Variants in SLX4IP observed in about 807,000 individuals in gnomAD.
SLX4IP encodes SLX4 interacting protein.
In SLX4IP, 34 loss-of-function variants were observed where a neutral mutation model predicts 32.9. The ratio of observed to expected loss-of-function variants is 1.03; its 90% confidence interval spans 0.79 to 1.38. SLX4IP has a LOEUF of 1.38. Ranked by LOEUF, SLX4IP falls within the 40% of genes most tolerant of loss-of-function variation. The pLI, the probability that SLX4IP is intolerant of heterozygous loss-of-function variation, is 0.00. For synonymous variants in SLX4IP, 172 were observed against 171.7 expected (o/e 1.00, Z -0.01); for missense variants, 444 against 479.0 (o/e 0.93, Z 0.68).
rs36028561 is a variant in SLX4IP, at chr20:10,558,341, CAAAAAAAAAAAAAAA to C, written c.117+2028_117+2042del. ...TGGGTGGCAGAGTGAGACCCTGTCT[CAAAAAAAAAAAAAAA>C]AAAAAACAATTCGCTGATGTTAAAA... On this transcript the variant is annotated intron_variant, in intron 3 of 7. Coordinates refer to ENST00000334534, the MANE Select transcript of SLX4IP (RefSeq NM_001009608.3). Among the ~76,000 whole-genome samples, 3 of 79,526 alleles carry C rather than the reference CAAAAAAAAAAAAAAA, an allele frequency of 3.8e-5. No individual in the cohort carries two copies. The South Asian group carries it at 1.4e-3, about 37-fold the overall frequency. 52.2% of individuals were successfully genotyped at this position (79,526 alleles called of 152,430 possible).
chr20:10,575,353 A>C (rs1286304668), intron 4 of SLX4IP, among the ~76,000 whole-genome samples: 1 of 152,004 alleles, frequency 6.6e-6, no homozygotes, highest in Non-Finnish European at 1.5e-5. Context: ...CTGGTTTTAT[A>C]TTGTCTGAAC....
intron 2 of SLX4IP, among the ~76,000 whole-genome samples, chr20:10,481,112 A>G (rs2065517148): frequency 6.6e-6 from 1 of 151,432 alleles, no homozygotes. Flanking sequence ...TGATATGTGT[A>G]CTTGTTTTGG....
intron 4 of SLX4IP, among the ~76,000 whole-genome samples, chr20:10,590,361 T>G (rs527483469): frequency 6.6e-6 from 1 of 152,056 alleles, no homozygotes; most frequent in South Asian, 2.1e-4. Flanking sequence ...TTTATTTATT[T>G]TTTTAATTTT....
chr20:10,600,176 C>G (rs552519700), intron 5 of SLX4IP, among the ~76,000 whole-genome samples: 1 of 151,994 alleles, frequency 6.6e-6, no homozygotes, highest in Non-Finnish European at 1.5e-5. Context: ...ATATTAATTG[C>G]TTTGCTAATT....
intron 2 of SLX4IP, among the ~76,000 whole-genome samples, chr20:10,523,422 A>G (rs1014461754): frequency 2.6e-5 from 4 of 152,230 alleles, no homozygotes; most frequent in African/African-American, 9.6e-5. Flanking sequence ...CCTTCTTTCA[A>G]TTGACCTCTG....
intron 2 of SLX4IP, among the ~76,000 whole-genome samples, chr20:10,472,107 C>T (rs555665127): frequency 6.6e-6 from 1 of 152,008 alleles, no homozygotes; most frequent in African/African-American, 2.4e-5. Context: ...TTGTTGGTGG[C>T]CATCTTTGGA....
At chr20:10,478,643 A>G (rs2065493802) in intron 2 of SLX4IP, among the ~76,000 whole-genome samples, 1 of 152,234 alleles carries the variant, frequency 6.6e-6, no homozygotes, top group Admixed American at 6.5e-5. Context: ...CTTGGGAGGT[A>G]GGCAGCACAG....
At chr20:10,549,139 T>C (rs181353008) in intron 2 of SLX4IP, among the ~76,000 whole-genome samples, 1 of 152,300 alleles carries the variant, frequency 6.6e-6, no homozygotes, top group East Asian at 1.9e-4. Context: ...TTCTTAATGT[T>C]AGGAGACTTC....
intron 1 of SLX4IP, 99 bp from the exon 2 acceptor site, chr20:10,458,077 C>T: frequency 1.5e-6 from 1 of 653,404 alleles, no homozygotes; most frequent in Non-Finnish European, 2.4e-6. Context: ...TCATAAATAC[C>T]TATTGATATT....
rs148432517 is a variant in SLX4IP, at chr20:10,626,009, C to CTTTTTTTTTTTTT, written c.*2641_*2653dup. The CTTTTTTTTTTTTT allele has an allele frequency of 2.5e-5, 2 of 81,218 alleles. No individual in the cohort carries two copies. The highest frequency in any genetic ancestry group is 4.8e-5 in the Non-Finnish European group (2 of 41,816). 5.0% of individuals were successfully genotyped at this position (81,218 alleles called of 1,614,324 possible). A position where few individuals can be genotyped will look rare whatever the true frequency, so the allele number is the denominator to read the frequency against. On this transcript the variant is annotated 3_prime_UTR_variant, in exon 8 of 8. Coordinates refer to ENST00000334534, the MANE Select transcript of SLX4IP (RefSeq NM_001009608.3). The stretch of plus-strand genomic sequence containing the variant: ...TGGGAATGGTATGTGTTTTGACATT[C>CTTTTTTTTTTTTT]TTTTTTTTTTTTTTTTTTTTTTTGA...
At chr20:10,606,995 G>A (rs552487500) in intron 6 of SLX4IP, among the ~76,000 whole-genome samples, 5 of 152,282 alleles carry the variant, frequency 3.3e-5, no homozygotes, top group Non-Finnish European at 5.9e-5. Context: ...TGTGTTTTCT[G>A]TAATGATCTC....
chr20:10,582,096 C>T (rs182830867), intron 4 of SLX4IP, among the ~76,000 whole-genome samples: 1 of 152,228 alleles, frequency 6.6e-6, no homozygotes, highest in Non-Finnish European at 1.5e-5. Context: ...GGTGAATTCT[C>T]AGTGTGCAAC....
In SLX4IP at chr20:10,598,683, T is replaced by G; in HGVS notation, c.247T>G (p.Phe83Val). The change falls in exon 5 of 8, where the codon TTT (phenylalanine) becomes GTT (valine). Residue 83 changes from phenylalanine to valine, a missense_variant. Physicochemically the swap from Phe to Val is conservative, Grantham distance 50. Coordinates refer to ENST00000334534, the MANE Select transcript of SLX4IP (RefSeq NM_001009608.3). ...SNPLSLKGYG[F>V]QITAYFLKRG... is the part of the protein sequence containing the mutation. ...TCCCTTTCACTTTCCAGGTTATGGC[T>G]TTCAAATCACAGCCTATTTCCTCAA... The G allele has an allele frequency of 6.2e-7, 1 of 1,614,148 alleles. No homozygotes were observed. Among genetic ancestry groups the G allele is most frequent in the Non-Finnish European group, 8.5e-7 (1 of 1,179,978 alleles).
intron 2 of SLX4IP, among the ~76,000 whole-genome samples, chr20:10,548,003 G>A (rs1464075200): frequency 1.3e-5 from 2 of 152,148 alleles, no homozygotes; most frequent in Non-Finnish European, 2.9e-5. Context: ...ATGTGTGCAG[G>A]TAGAATCCAA....
At chr20:10,484,247 T>A (rs1484373183) in intron 2 of SLX4IP, among the ~76,000 whole-genome samples, 4 of 152,172 alleles carry the variant, frequency 2.6e-5, no homozygotes, top group Non-Finnish European at 4.4e-5. Flanking sequence ...TAGCCTTTTA[T>A]TTATTCATTC....
rs548928333 is a variant in SLX4IP, at chr20:10,601,611, C to A, written c.317-120C>A. The A allele has an allele frequency of 4.1e-6, 3 of 736,792 alleles. No homozygotes were observed. The African/African-American group carries it at 5.3e-5, about 13-fold the overall frequency. The allele number at this position is 736,792 out of a possible 1,614,324, so 45.6% of individuals were successfully genotyped here. The stretch of plus-strand genomic sequence containing the variant: ...CGAAAGGATGGGAGGAGAGAAGAGA[C>A]GTATGTTTTATATGGATGTGCATAT... On this transcript the variant is annotated intron_variant, in intron 5 of 7. Transcript: ENST00000334534.
rs1301220681 is a variant in SLX4IP, at chr20:10,458,250, CT to C, written c.27+24del. 19 of 1,564,474 alleles carry C rather than the reference CT, an allele frequency of 1.2e-5. No individual in the cohort carries two copies. The Middle Eastern group carries it at 5.1e-4, about 42-fold the overall frequency. On this transcript the variant is annotated intron_variant, in intron 2 of 7. Transcript: ENST00000334534. ...TGTTAAAGTAAGTAATGTTTAATAGCTTTTTAAAAAGAGGCTAATCACTTTC... is the reference window on the plus strand; with the variant it reads ...TGTTAAAGTAAGTAATGTTTAATAGCTTTTAAAAAGAGGCTAATCACTTTC...
intron 2 of SLX4IP, among the ~76,000 whole-genome samples, chr20:10,534,220 C>T (rs1458528285): frequency 6.6e-6 from 1 of 152,082 alleles, no homozygotes; most frequent in African/African-American, 2.4e-5. Context: ...GCACTGGGAC[C>T]CAGGAAGGAG....
chr20:10,512,707 G>GTA (rs1195471199), intron 2 of SLX4IP, among the ~76,000 whole-genome samples: 1 of 116,660 alleles, frequency 8.6e-6, no homozygotes, highest in East Asian at 2.3e-4. Flanking sequence ...TATATATAGT[G>GTA]TATATATATT....
Sources: gnomAD v4.1 joint callset for allele counts (sites outside exome capture counted in the v4.1 genomes callset) on GRCh38, gnomAD v4.1.1 for gene constraint, MANE v1.5 for transcripts, NCBI Gene and HGNC (gene_info 2026-07-23, HGNC 2026-07-21) for gene names.